B3GNT6: variants seen among roughly 807,000 people sequenced by gnomAD.
B3GNT6 encodes acetylgalactosaminyl-O-glycosyl-glycoprotein beta-1,3-N-acetylglucosaminyltransferase.
For synonymous variants in B3GNT6, 300 were observed against 270.0 expected (o/e 1.11, Z -1.09); for missense variants, 624 against 568.6 (o/e 1.10, Z -0.99).
At chr11:77,037,062 C>T (rs1449604585) in intron 1 of B3GNT6, 1 of 152,500 alleles carries the variant, frequency 6.6e-6, no homozygotes, top group African/African-American at 2.4e-5. Context: ...AGCAAGAGGT[C>T]TGGCAGTCTG....
At chr11:77,038,417 A>G (rs1591090009) in intron 1 of B3GNT6, among the ~76,000 whole-genome samples, 1 of 121,292 alleles carries the variant, frequency 8.2e-6, no homozygotes, top group Non-Finnish European at 1.7e-5. Flanking sequence ...AAAAAAAAAA[A>G]TTTAATGACC....
At chr11:77,037,054 CAAGAGG>C (rs1949637884) in intron 1 of B3GNT6, 1 of 152,406 alleles carries the variant, frequency 6.6e-6, no homozygotes, top group African/African-American at 2.4e-5. Context: ...TCTGAGGTAG[CAAGAGG>C]TCTGGCAGTC....
At chr11:77,038,815 G>A (rs1949659901) in intron 1 of B3GNT6, among the ~76,000 whole-genome samples, 2 of 152,062 alleles carry the variant, frequency 1.3e-5, no homozygotes, top group Admixed American at 6.6e-5. Flanking sequence ...AGAGGATGCC[G>A]TGGAGATCAT....
In B3GNT6 at chr11:77,039,566, C is replaced by T. The variant is rs781936557; in HGVS notation, c.15C>T (p.Cys5=). 6.3e-7 allele frequency: 1 copy of T among 1,579,712 alleles called. No individual in the cohort carries two copies. Among genetic ancestry groups the T allele is most frequent in the Non-Finnish European group, 8.6e-7 (1 of 1,163,226 alleles). ...TTCCCCCACAGATGGCTTTTCCCTG[C>T]CGCAGGTCCCTGACTGCCAAGACTC... is the stretch of plus-strand genomic sequence containing the variant. The part of the protein sequence containing the change: MAFP[C]RRSLTAKTLA... The change falls in exon 2 of 2, where the codon TGC becomes TGT. Residue 5 remains cysteine, a synonymous_variant. Coordinates refer to ENST00000622824, the MANE Select transcript of B3GNT6 (RefSeq NM_138706.5).
Position 77,039,890 on chromosome 11 carries a change from C to T in B3GNT6, c.339C>T (p.Gly113=). The change falls in exon 2 of 2, where the codon GGC becomes GGT. Residue 113 remains glycine (G), a synonymous_variant. Transcript: ENST00000622824. ...GGGACGCACCGGCCAAGTGCGCCGG[C>T]GGCCGAGGCGTGTTCCTGCTCCTGG... The part of the protein sequence containing the change: ...LLWDAPAKCA[G]GRGVFLLLAV... The T allele has an allele frequency of 1.3e-6, 2 of 1,590,534 alleles. No homozygotes were observed. Among genetic ancestry groups the T allele is most frequent in the Non-Finnish European group, 8.5e-7 (1 of 1,176,040 alleles).
Position 77,040,959 on chromosome 11 carries a change from T to C in B3GNT6, c.*253T>C. 1.9e-6 allele frequency: 1 copy of C among 530,502 alleles called. No individual in the cohort carries two copies. Among genetic ancestry groups the C allele is most frequent in the East Asian group, 3.4e-5 (1 of 29,194 alleles). The allele number at this position is 530,502 out of a possible 1,614,324, so 32.9% of individuals were successfully genotyped here. A position where few individuals can be genotyped will look rare whatever the true frequency, so the allele number is the denominator to read the frequency against. On this transcript the variant is annotated 3_prime_UTR_variant, in exon 2 of 2. Transcript: ENST00000622824. The stretch of plus-strand genomic sequence containing the variant: ...TTAAGTTCCTCCAGTGATGCGAATG[T>C]GCAGCTAGGCCTGAGGACCACTCGG...
intron 1 of B3GNT6, among the ~76,000 whole-genome samples, chr11:77,036,843 T>G (rs1949636269): frequency 6.6e-6 from 1 of 152,158 alleles, no homozygotes; most frequent in Non-Finnish European, 1.5e-5. Flanking sequence ...ATCCTTAAAA[T>G]GCTTACAGCC....
Position 77,039,844 on chromosome 11 carries a change from G to A in B3GNT6, c.293G>A (p.Cys98Tyr), listed in dbSNP as rs542860457. Reference protein sequence around the residue: ...RIQDFLRYRHCRHFPLLWDAP... With the variant: ...RIQDFLRYRHYRHFPLLWDAP... The stretch of plus-strand genomic sequence containing the variant: ...CAGGACTTCCTGCGGTACCGCCACT[G>A]CCGCCACTTCCCGCTGCTTTGGGAC... The change falls in exon 2 of 2, where the codon TGC becomes TAC. Residue 98 changes from cysteine to tyrosine, a missense_variant. Transcript: ENST00000622824. 2 of 1,580,958 alleles carry A rather than the reference G, an allele frequency of 1.3e-6. No individual in the cohort carries two copies. The highest frequency in any genetic ancestry group is 1.7e-6 in the Non-Finnish European group (2 of 1,171,066).
At chr11:77,039,466 T>C in intron 1 of B3GNT6, 86 bp from the exon 2 acceptor site, 1 of 1,501,758 alleles carries the variant, frequency 6.7e-7, no homozygotes. Flanking sequence ...AGCTGGGTTC[T>C]GGGAGAGAAG....
chr11:77,039,913 T>A lies in B3GNT6; in HGVS notation c.362T>A (p.Leu121Gln). 1 of 1,592,882 alleles carries A rather than the reference T, an allele frequency of 6.3e-7. No individual in the cohort carries two copies. Among genetic ancestry groups the A allele is most frequent in the Non-Finnish European group, 8.5e-7 (1 of 1,176,996 alleles). The change falls in exon 2 of 2, where the codon CTG (leucine) becomes CAG (glutamine). Residue 121 changes from leucine (L) to glutamine (Q), a missense_variant. Physicochemically the swap from Leu to Gln is moderately radical, Grantham distance 113 (BLOSUM62 -2). Coordinates refer to ENST00000622824, the MANE Select transcript of B3GNT6 (RefSeq NM_138706.5). Reference protein sequence around the residue: ...CAGGRGVFLLLAVKSAPEHYE... With the variant: ...CAGGRGVFLLQAVKSAPEHYE... The stretch of plus-strand genomic sequence containing the variant: ...GGCGGCCGAGGCGTGTTCCTGCTCC[T>A]GGCGGTGAAGTCGGCGCCTGAGCAC...
rs1049890316 is a variant in B3GNT6 at position 77,039,423 on chromosome 11, T to C, written c.1-129T>C. 8 of 1,475,584 alleles carry C rather than the reference T, an allele frequency of 5.4e-6. No individual in the cohort carries two copies. In the African/African-American group the frequency reaches 1.0e-4, roughly 19 times the overall value. 91.4% of individuals were successfully genotyped at this position (1,475,584 alleles called of 1,614,324 possible). ...GTAATCTTGGATTTTGATTCCTTTT[T>C]ACCACTTAACAGCAGAGTTGAGAAG... On this transcript the variant is annotated intron_variant, in intron 1 of 1. Transcript: ENST00000622824.
chr11:77,040,259 G>A lies in B3GNT6; in HGVS notation c.708G>A (p.Leu236=). The part of the protein sequence containing the change: ...FVHTANVVRF[L]QAQPPGRHLF... ...ACACCGCCAACGTAGTCCGCTTCCT[G>A]CAGGCGCAGCCACCCGGCCGCCACC... The change falls in exon 2 of 2, where the codon CTG becomes CTA. Residue 236 remains leucine (L), a synonymous_variant. Transcript: ENST00000622824. The A allele has an allele frequency of 6.3e-7, 1 of 1,597,532 alleles. No homozygotes were observed.
intron 1 of B3GNT6, among the ~76,000 whole-genome samples, chr11:77,035,185 T>C (rs137906646): frequency 6.6e-6 from 1 of 152,270 alleles, no homozygotes; most frequent in Non-Finnish European, 1.5e-5. Context: ...GATGTGTTAA[T>C]ATGTGTGGGG....
Position 77,040,592 on chromosome 11 carries a change from C to T in B3GNT6, c.1041C>T (p.Cys347=). The change falls in exon 2 of 2, where the codon TGC becomes TGT. Residue 347 remains cysteine (C), a synonymous_variant. Coordinates refer to ENST00000622824, the MANE Select transcript of B3GNT6 (RefSeq NM_138706.5). The part of the protein sequence containing the change: ...PGAQQSSFDP[C]MYRELLLVHR... The stretch of plus-strand genomic sequence containing the variant: ...CACAGCAGTCCTCCTTCGACCCCTG[C>T]ATGTACCGCGAGTTGCTGCTAGTGC... 3 of 1,595,086 alleles carry T rather than the reference C, an allele frequency of 1.9e-6. No individual in the cohort carries two copies. Among genetic ancestry groups the T allele is most frequent in the Non-Finnish European group, 2.5e-6 (3 of 1,177,492 alleles).
intron 1 of B3GNT6, among the ~76,000 whole-genome samples, chr11:77,038,068 T>TGGGGGG (rs1565240527): frequency 1.2e-3 from 1 of 830 alleles, no homozygotes. Flanking sequence ...TGGGAGGGGA[T>TGGGGGG]GAGGGGGAGG....
rs1353968027 is a variant in B3GNT6 at position 77,040,841 on chromosome 11, G to T, written c.*135G>T. Reference sequence around the variant, plus strand: ...CAGCTGCGCACTGAAATCAGCTGGGGTGGGGGGTGTGGAAAATGCCTACAT... The same window carrying T: ...CAGCTGCGCACTGAAATCAGCTGGGTTGGGGGGTGTGGAAAATGCCTACAT... On this transcript the variant is annotated 3_prime_UTR_variant, in exon 2 of 2. Transcript: ENST00000622824. 7 of 1,350,952 alleles carry T rather than the reference G, an allele frequency of 5.2e-6. No homozygotes were observed. The highest frequency in any genetic ancestry group is 5.8e-6 in the Non-Finnish European group (6 of 1,039,300). The allele number at this position is 1,350,952 out of a possible 1,614,324, so 83.7% of individuals were successfully genotyped here.
rs1949665840 is a variant in B3GNT6 at position 77,039,679 on chromosome 11, C to G, written c.128C>G (p.Pro43Arg). The stretch of plus-strand genomic sequence containing the variant: ...AGGTCCCCGCGGGAGGAGAGGTCCC[C>G]GCAGGAGGAGACGCCAGAGGGTCCC... The part of the protein sequence containing the change: ...APRSPREERS[P>R]QEETPEGPTD... The change falls in exon 2 of 2, where the codon CCG becomes CGG. Residue 43 changes from proline to arginine, a missense_variant. Pro to Arg is a moderately radical substitution (Grantham distance 103). Coordinates refer to ENST00000622824, the MANE Select transcript of B3GNT6 (RefSeq NM_138706.5). 1.2e-6 allele frequency: 2 copies of G among 1,612,456 alleles called. No individual in the cohort carries two copies. The highest frequency in any genetic ancestry group is 8.5e-7 in the Non-Finnish European group (1 of 1,179,596).
At chr11:77,038,848 C>A (rs961084881) in intron 1 of B3GNT6, among the ~76,000 whole-genome samples, 1 of 152,040 alleles carries the variant, frequency 6.6e-6, no homozygotes, top group African/African-American at 2.4e-5. Context: ...GTCATATCAC[C>A]CGTGTCACCC....
chr11:77,034,671 C>T (rs1949620678), intron 1 of B3GNT6, among the ~76,000 whole-genome samples, 193 bp downstream of exon 1: 1 of 152,138 alleles, frequency 6.6e-6, no homozygotes, highest in Non-Finnish European at 1.5e-5. Flanking sequence ...GGGTTGGGGC[C>T]AAGGCCCTAA....
Sources: allele counts gnomAD v4.1 joint callset (sites outside exome capture counted in the v4.1 genomes callset), GRCh38; gene constraint gnomAD v4.1.1; transcripts MANE v1.5; gene names NCBI Gene and HGNC (gene_info 2026-07-23, HGNC 2026-07-21).